Variants in PCCA observed in about 807,000 individuals in gnomAD.
PCCA encodes propionyl-CoA carboxylase alpha chain, mitochondrial.
A neutral mutation model predicts 101.3 loss-of-function variants in PCCA; 74 were observed. That is an observed-to-expected ratio of 0.73 (90% CI 0.61 to 0.89). The LOEUF is 0.89. Among genes scored for constraint, PCCA ranks in the 40% least tolerant of loss-of-function variants. The pLI, the probability that PCCA is intolerant of heterozygous loss-of-function variation, is 0.00. For synonymous variants in PCCA, 294 were observed against 313.6 expected, an observed-to-expected ratio of 0.94 and a Z score of 0.66; for missense variants, 891 against 907.0, an observed-to-expected ratio of 0.98 and a Z score of 0.23.
At chr13:100,469,242 C>T (rs1030421404) in intron 21 of PCCA, among the ~76,000 whole-genome samples, 5 of 123,286 alleles carry the variant, frequency 4.1e-5, no homozygotes, top group Non-Finnish European at 9.0e-5. Flanking sequence ...CCCTTTGGTT[C>T]CAGAAAATCT....
Position 100,112,018 on chromosome 13 carries a change from G to A in PCCA, c.257G>A (p.Gly86Asp), listed in dbSNP as rs921743087. The A allele has an allele frequency of 1.2e-5, 19 of 1,610,248 alleles. No individual in the cohort carries two copies. Among genetic ancestry groups the A allele is most frequent in the East Asian group, 1.1e-4 (5 of 44,796 alleles). ...GTTATTAGAACTTGCAAGAAGATGGGCATTAAGACAGTTGCCATCCACAGT... is the reference window on the plus strand; with the variant it reads ...GTTATTAGAACTTGCAAGAAGATGGACATTAAGACAGTTGCCATCCACAGT... ...CRVIRTCKKMGIKTVAIHSDV... is the reference protein window; with the variant it reads ...CRVIRTCKKMDIKTVAIHSDV... The change falls in exon 4 of 24, where the codon GGC becomes GAC. Residue 86 changes from glycine to aspartate, a missense_variant. Gly to Asp is a moderately conservative substitution (Grantham distance 94). Coordinates refer to ENST00000376285, the MANE Select transcript of PCCA (RefSeq NM_000282.4).
At chr13:100,420,540 C>G (rs889936989) in intron 19 of PCCA, among the ~76,000 whole-genome samples, 13 of 152,156 alleles carry the variant, frequency 8.5e-5, no homozygotes, top group Admixed American at 4.6e-4. Flanking sequence ...GATCATGCCA[C>G]TGCACTCCAG....
intron 10 of PCCA, among the ~76,000 whole-genome samples, chr13:100,265,189 T>C (rs527972401): frequency 2.0e-5 from 3 of 152,356 alleles, no homozygotes; most frequent in African/African-American, 7.2e-5. Flanking sequence ...TTCTGAATTA[T>C]AGTGAAGTCA....
intron 17 of PCCA, among the ~76,000 whole-genome samples, chr13:100,336,038 G>A (rs758843387): frequency 3.9e-5 from 6 of 152,140 alleles, no homozygotes; most frequent in African/African-American, 7.2e-5. Context: ...CGAGTGGGGC[G>A]GATCGCCTGA....
intron 7 of PCCA, among the ~76,000 whole-genome samples, chr13:100,214,474 G>A (rs1248535094): frequency 6.6e-6 from 1 of 151,606 alleles, no homozygotes; most frequent in Non-Finnish European, 1.5e-5. Context: ...TGCCAGGCTG[G>A]AGTGCAGTGG....
chr13:100,116,479 T>G (rs2048809391), intron 4 of PCCA, among the ~76,000 whole-genome samples: 1 of 152,170 alleles, frequency 6.6e-6, no homozygotes, highest in Admixed American at 6.6e-5. Flanking sequence ...TAGAAAAATG[T>G]TGGCTTTTAG....
chr13:100,397,829 T>C (rs1354566543), intron 19 of PCCA, among the ~76,000 whole-genome samples: 1 of 152,152 alleles, frequency 6.6e-6, no homozygotes, highest in East Asian at 1.9e-4. Context: ...TTAAGGAAAC[T>C]AGATGGAGAT....
intron 6 of PCCA, among the ~76,000 whole-genome samples, chr13:100,208,822 T>C (rs1032510912): frequency 1.3e-5 from 2 of 152,234 alleles, no homozygotes; most frequent in Admixed American, 1.3e-4. Flanking sequence ...TCTATTTCTC[T>C]GAGGTGTCAG....
At chr13:100,177,146 C>T (rs2056317176) in intron 6 of PCCA, among the ~76,000 whole-genome samples, 1 of 152,118 alleles carries the variant, frequency 6.6e-6, no homozygotes, top group Non-Finnish European at 1.5e-5. Flanking sequence ...TTATTTTCTT[C>T]CAAGTCAGTA....
At chr13:100,338,844 G>A (rs1321944477) in intron 17 of PCCA, among the ~76,000 whole-genome samples, 2 of 151,450 alleles carry the variant, frequency 1.3e-5, no homozygotes, top group Admixed American at 6.6e-5. Context: ...TTACTTCCCT[G>A]TGGAAAATTG....
chr13:100,194,567 G>C (rs1344306478), intron 6 of PCCA, among the ~76,000 whole-genome samples: 1 of 152,076 alleles, frequency 6.6e-6, no homozygotes, highest in Non-Finnish European at 1.5e-5. Context: ...ACAGGCGTGT[G>C]CCACCACACC....
At chr13:100,402,145 A>C (rs1344460075) in intron 19 of PCCA, among the ~76,000 whole-genome samples, 1 of 152,200 alleles carries the variant, frequency 6.6e-6, no homozygotes, top group Non-Finnish European at 1.5e-5. Flanking sequence ...TGGATTTTTA[A>C]ATACAACCAT....
At chr13:100,221,489 T>G (rs1194551099) in intron 7 of PCCA, among the ~76,000 whole-genome samples, 2 of 152,216 alleles carry the variant, frequency 1.3e-5, no homozygotes, top group African/African-American at 4.8e-5. Flanking sequence ...CATCTGAATT[T>G]GCAGCCTCTG....
chr13:100,517,586 C>G (rs748808540), intron 22 of PCCA, among the ~76,000 whole-genome samples: 1 of 152,102 alleles, frequency 6.6e-6, no homozygotes, highest in Non-Finnish European at 1.5e-5. Flanking sequence ...CCTTTAAATT[C>G]AGAGTACCTG....
intron 15 of PCCA, among the ~76,000 whole-genome samples, chr13:100,308,422 T>C (rs1261617202): frequency 1.3e-5 from 2 of 152,144 alleles, no homozygotes; most frequent in Non-Finnish European, 2.9e-5. Context: ...CCTCCCAGGC[T>C]CAAGCGATCC....
intron 12 of PCCA, among the ~76,000 whole-genome samples, chr13:100,280,836 C>T (rs1438549910): frequency 6.6e-6 from 1 of 152,158 alleles, no homozygotes; most frequent in Non-Finnish European, 1.5e-5. Context: ...CTCCATCCTG[C>T]CTGGTACGTG....
chr13:100,185,539 G>T (rs996438328), intron 6 of PCCA, among the ~76,000 whole-genome samples: 3 of 152,018 alleles, frequency 2.0e-5, no homozygotes, highest in Non-Finnish European at 4.4e-5. Context: ...CAGAGACAAG[G>T]TCTCACCATG....
intron 6 of PCCA, among the ~76,000 whole-genome samples, chr13:100,198,685 G>T (rs1298522656): frequency 6.6e-6 from 1 of 151,972 alleles, no homozygotes; most frequent in Non-Finnish European, 1.5e-5. Flanking sequence ...TTTTAGTAGA[G>T]ACGGGGTTTC....
At chr13:100,221,155 A>G (rs1315302308) in intron 7 of PCCA, among the ~76,000 whole-genome samples, 1 of 152,256 alleles carries the variant, frequency 6.6e-6, no homozygotes, top group Non-Finnish European at 1.5e-5. Context: ...GACTTAGAAT[A>G]AAAAATGTTG....
Sources: gnomAD v4.1 joint callset for allele counts (sites outside exome capture counted in the v4.1 genomes callset) on GRCh38, gnomAD v4.1.1 for gene constraint, MANE v1.5 for transcripts, NCBI Gene and HGNC (gene_info 2026-07-23, HGNC 2026-07-21) for gene names.